CLSTN2: variants seen among roughly 807,000 people sequenced by gnomAD.
CLSTN2 encodes calsyntenin 2.
CLSTN2 carries 48 observed loss-of-function variants against 101.2 expected under a neutral mutation model. The ratio of observed to expected loss-of-function variants is 0.47; its 90% CI spans 0.38 to 0.60. The LOEUF is 0.60. Among genes scored for constraint, CLSTN2 ranks in the 20% least tolerant of loss-of-function variants. CLSTN2 has a pLI of 0.00. For missense variants in CLSTN2, 1,160 were observed against 1,238.2 expected (o/e 0.94, Z 0.95); for synonymous variants, 481 against 463.6 (o/e 1.04, Z -0.48).
At chr3:140,022,475 A>G (rs1458433981) in intron 1 of CLSTN2, among the ~76,000 whole-genome samples, 1 of 152,146 alleles carries the variant, frequency 6.6e-6, no homozygotes, top group African/African-American at 2.4e-5. Flanking sequence ...GAACCAAGGA[A>G]TAGGGAGAGC....
At chr3:140,399,801 G>C (rs2088220749) in intron 2 of CLSTN2, among the ~76,000 whole-genome samples, 1 of 151,950 alleles carries the variant, frequency 6.6e-6, no homozygotes, top group African/African-American at 2.4e-5. Context: ...GAGTATGATT[G>C]ATCACGTCAC....
intron 2 of CLSTN2, among the ~76,000 whole-genome samples, chr3:140,307,673 C>T (rs1317121775): frequency 1.3e-5 from 2 of 152,082 alleles, no homozygotes; most frequent in Non-Finnish European, 2.9e-5. Context: ...TCAGTTGGTT[C>T]GTTGTTTCTT....
chr3:139,946,196 T>C (rs964018149), intron 1 of CLSTN2, among the ~76,000 whole-genome samples: 2 of 152,222 alleles, frequency 1.3e-5, no homozygotes, highest in Non-Finnish European at 2.9e-5. Context: ...TTTATCCAGA[T>C]TTATATGGCT....
chr3:140,162,011 A>C (rs1034731442), intron 1 of CLSTN2, among the ~76,000 whole-genome samples: 6 of 152,220 alleles, frequency 3.9e-5, no homozygotes, highest in African/African-American at 1.4e-4. Context: ...ACTGTTGACA[A>C]GAATTTTAAA....
chr3:140,148,403 A>G (rs151148402), intron 1 of CLSTN2, among the ~76,000 whole-genome samples: 1 of 152,258 alleles, frequency 6.6e-6, no homozygotes, highest in East Asian at 1.9e-4. Flanking sequence ...TTTTGTTCGA[A>G]GTCATTACTC....
chr3:140,495,481 TC>T (rs1475606837), intron 8 of CLSTN2, among the ~76,000 whole-genome samples: 1 of 152,240 alleles, frequency 6.6e-6, no homozygotes, highest in Admixed American at 6.5e-5. Context: ...ATCCCATTTG[TC>T]AATTTTTGCT....
In CLSTN2 at chr3:139,972,006, G is replaced by C. The variant is rs763695480; in HGVS notation, c.109+36523G>C. 5.4e-4 allele frequency among the ~76,000 whole-genome samples: 82 copies of C among 152,190 alleles called. 1 individual carries two copies. The highest frequency in any genetic ancestry group is 1.8e-4 in the Non-Finnish European group (12 of 68,024). ...GAGCCAGGCGTGGTGGCTCATGCCT[G>C]TAATCCCAGTACTTTGGGAGGCTGA... On this transcript the variant is annotated intron_variant, in intron 1 of 16. Coordinates refer to ENST00000458420, the MANE Select transcript of CLSTN2 (RefSeq NM_022131.3).
chr3:140,220,064 C>T (rs891107322), intron 2 of CLSTN2, among the ~76,000 whole-genome samples: 1 of 152,216 alleles, frequency 6.6e-6, no homozygotes, highest in Admixed American at 6.5e-5. Context: ...TAGACAGGCT[C>T]TGGATGCTGT....
chr3:140,497,666 G>A (rs988436098), intron 8 of CLSTN2, among the ~76,000 whole-genome samples: 17 of 152,300 alleles, frequency 1.1e-4, no homozygotes, highest in East Asian at 3.9e-4. Flanking sequence ...TGGATTCAGC[G>A]TGCTTTCTAG....
At chr3:140,232,608 A>C (rs941422387) in intron 2 of CLSTN2, among the ~76,000 whole-genome samples, 2 of 152,052 alleles carry the variant, frequency 1.3e-5, no homozygotes, top group African/African-American at 4.8e-5. Context: ...CCATGTGCCT[A>C]CCCACTCAGC....
At chr3:140,541,082 G>C (rs1935466487) in intron 9 of CLSTN2, among the ~76,000 whole-genome samples, 1 of 152,064 alleles carries the variant, frequency 6.6e-6, no homozygotes, top group Admixed American at 6.6e-5. Context: ...CATTGAGTCA[G>C]TCCCAACCCA....
chr3:139,973,229 T>C (rs571446518), intron 1 of CLSTN2, among the ~76,000 whole-genome samples: 1 of 152,366 alleles, frequency 6.6e-6, no homozygotes, highest in South Asian at 2.1e-4. Flanking sequence ...TGAGGTTTCC[T>C]TCATGACTGA....
At chr3:140,269,175 T>G (rs55946470) in intron 2 of CLSTN2, among the ~76,000 whole-genome samples, 5,282 of 152,294 alleles carry the variant, frequency 0.035, 189 homozygotes, top group African/African-American at 0.087. Context: ...AGATTTTCCA[T>G]GGATACAAGT....
intron 2 of CLSTN2, among the ~76,000 whole-genome samples, chr3:140,214,317 G>T (rs899859956): frequency 6.6e-6 from 1 of 152,024 alleles, no homozygotes; most frequent in Non-Finnish European, 1.5e-5. Flanking sequence ...TGCTGGGTGT[G>T]GTGCTGCGTG....
At chr3:139,970,861 C>A (rs1313602835) in intron 1 of CLSTN2, among the ~76,000 whole-genome samples, 1 of 152,146 alleles carries the variant, frequency 6.6e-6, no homozygotes, top group Non-Finnish European at 1.5e-5. Context: ...TGATGGGATT[C>A]AGCTAAAGCT....
intron 2 of CLSTN2, among the ~76,000 whole-genome samples, chr3:140,347,519 A>G (rs2087561260): frequency 6.6e-6 from 1 of 152,250 alleles, no homozygotes; most frequent in South Asian, 2.1e-4. Flanking sequence ...CACAAACTAC[A>G]ATGTGTTCTT....
intron 9 of CLSTN2, among the ~76,000 whole-genome samples, chr3:140,534,338 C>G (rs1935318278): frequency 6.6e-6 from 1 of 152,162 alleles, no homozygotes; most frequent in Non-Finnish European, 1.5e-5. Context: ...CCCTGTCACC[C>G]CAGTGTGCAA....
chr3:140,476,232 C>T (rs575443700), intron 8 of CLSTN2, among the ~76,000 whole-genome samples: 7 of 152,200 alleles, frequency 4.6e-5, no homozygotes, highest in Non-Finnish European at 1.0e-4. Flanking sequence ...CGTTGCTAAT[C>T]CTGCTTACTT....
intron 8 of CLSTN2, among the ~76,000 whole-genome samples, chr3:140,479,868 GC>G (rs773302380): frequency 6.6e-5 from 10 of 152,062 alleles, no homozygotes; most frequent in Non-Finnish European, 1.3e-4. Context: ...AGATCAGCAA[GC>G]CCCAAGCCGA....
Sources: allele counts gnomAD v4.1 joint callset (sites outside exome capture counted in the v4.1 genomes callset), GRCh38; gene constraint gnomAD v4.1.1; transcripts MANE v1.5; gene names NCBI Gene and HGNC (gene_info 2026-07-23, HGNC 2026-07-21).